The following RECQL variants were observed in gnomAD, a reference collection of about 807,000 sequenced individuals.
RECQL encodes the protein ATP-dependent DNA helicase Q1.
A neutral mutation model predicts 75.8 loss-of-function variants in RECQL; 73 were observed. The ratio of observed to expected loss-of-function variants is 0.96; its 90% CI spans 0.80 to 1.17. The LOEUF (loss-of-function observed/expected upper bound fraction) is 1.17, where lower values mean the gene tolerates loss of function less well. Among genes scored for constraint, RECQL ranks in the 50% most tolerant of loss-of-function variants. The pLI is 0.00. For synonymous variants in RECQL, 248 were observed against 254.4 expected (o/e 0.97, Z 0.24); for missense variants, 699 against 772.1 (o/e 0.91, Z 1.12).
intron 6 of RECQL, among the ~76,000 whole-genome samples, chr12:21,479,311 T>C (rs1943147308): frequency 6.6e-6 from 1 of 151,950 alleles, no homozygotes; most frequent in Non-Finnish European, 1.5e-5. Flanking sequence ...GATTCTAAGC[T>C]GAGACTTTAT....
chr12:21,498,891 T>C (rs544296408), intron 2 of RECQL, among the ~76,000 whole-genome samples: 4 of 152,332 alleles, frequency 2.6e-5, no homozygotes, highest in African/African-American at 9.6e-5. Flanking sequence ...AGAACTGTAA[T>C]AGCTATAAGT....
At chr12:21,474,572 A>G (rs112245771) in intron 11 of RECQL, among the ~76,000 whole-genome samples, 5 of 152,172 alleles carry the variant, frequency 3.3e-5, no homozygotes, top group African/African-American at 1.2e-4. Flanking sequence ...AGTGCCAGAG[A>G]AAAAAAGCCT....
chr12:21,473,175 A>ATG lies in RECQL; in HGVS notation c.1447+375_1447+376insCA, dbSNP rs1476517282. The stretch of plus-strand genomic sequence containing the variant: ...CACATAATATTTTGGTCGGTGATGG[A>ATG]CCACGTATATGCCAGTGGTCCCAAG... On this transcript the variant is annotated intron_variant, in intron 12 of 14. Coordinates refer to ENST00000444129, the MANE Select transcript of RECQL (RefSeq NM_002907.4). 9.2e-5 allele frequency among the ~76,000 whole-genome samples: 14 copies of ATG among 152,236 alleles called. No individual in the cohort carries two copies. The South Asian group carries it at 2.9e-3, about 32-fold the overall frequency.
chr12:21,483,573 T>C lies in RECQL; in HGVS notation c.503A>G (p.Glu168Gly), dbSNP rs1274633307. 6.4e-7 allele frequency: 1 copy of C among 1,565,726 alleles called. No individual in the cohort carries two copies. The highest frequency in any genetic ancestry group is 1.4e-5 in the African/African-American group (1 of 71,456). The change falls in exon 6 of 15, where the codon GAG (glutamate) becomes GGG (glycine). Residue 168 changes from glutamate to glycine, a missense_variant and splice_region_variant. This residue lies in a region of RECQL where 669 missense variants were observed against 713.5 expected (regional missense o/e 0.94). Transcript: ENST00000444129. The stretch of plus-strand genomic sequence containing the variant: ...TTCAGCATGAACCCATTTAACATGC[T>C]CCTATTAAAAGAAAAAAATAGACAC... ...ATMLNASSSK[E>G]HVKWVHAEMV...
chr12:21,478,956 G>C (rs773077998), intron 6 of RECQL, among the ~76,000 whole-genome samples: 1 of 152,164 alleles, frequency 6.6e-6, no homozygotes, highest in Non-Finnish European at 1.5e-5. Flanking sequence ...CCACAGAGGC[G>C]ATAGCTACTC....
Position 21,470,918 on chromosome 12 carries a change from C to G in RECQL, c.1797+51G>C, listed in dbSNP as rs779659188. 4.6e-6 allele frequency: 6 copies of G among 1,297,838 alleles called. No homozygotes were observed. The African/African-American group carries it at 9.4e-5, about 20-fold the overall frequency. 80.4% of individuals were successfully genotyped at this position (1,297,838 alleles called of 1,614,324 possible). On this transcript the variant is annotated intron_variant, in intron 14 of 14. Coordinates refer to ENST00000444129, the MANE Select transcript of RECQL (RefSeq NM_002907.4). Reference sequence around the variant, plus strand: ...ATATGACAGAAAAGCATCCCATAGGCTTTAATATACTTTTTAAAATATATA... The same window carrying G: ...ATATGACAGAAAAGCATCCCATAGGGTTTAATATACTTTTTAAAATATATA...
Position 21,471,659 on chromosome 12 carries a change from C to G in RECQL, c.1448-12G>C. On this transcript the variant is annotated splice_polypyrimidine_tract_variant and intron_variant, in intron 12 of 14. Transcript: ENST00000444129. ...CTTTCTTTCAAATGCTGTAATAAAACAAATATGGTAGCAGGTAATTAGGAT... is the reference window on the plus strand; with the variant it reads ...CTTTCTTTCAAATGCTGTAATAAAAGAAATATGGTAGCAGGTAATTAGGAT... 3 of 1,592,954 alleles carry G rather than the reference C, an allele frequency of 1.9e-6. No individual in the cohort carries two copies. The highest frequency in any genetic ancestry group is 2.6e-6 in the Non-Finnish European group (3 of 1,161,428).
chr12:21,484,557 AG>A (rs1021882214), intron 5 of RECQL, among the ~76,000 whole-genome samples: 2 of 152,176 alleles, frequency 1.3e-5, no homozygotes, highest in African/African-American at 4.8e-5. Context: ...GGTAAACTAA[AG>A]GAACCAGGGC....
chr12:21,471,542 G>T lies in RECQL; in HGVS notation c.1553C>A (p.Ser518Tyr), dbSNP rs1942964650. The T allele has an allele frequency of 6.2e-7, 1 of 1,612,306 alleles. No homozygotes were observed. The highest frequency in any genetic ancestry group is 1.1e-5 in the South Asian group (1 of 90,756). The change falls in exon 13 of 15, where the codon TCT becomes TAT. Residue 518 changes from serine (S) to tyrosine (Y), a missense_variant. Transcript: ENST00000444129. ...EKLTPLKLIDSWMGKGAAKLR... is the reference protein window; with the variant it reads ...EKLTPLKLIDYWMGKGAAKLR... ...TTTTGCTGCACCCTTTCCCATCCAA[G>T]AATCAATCAGTTTCAATGGAGTGAG...
At chr12:21,473,512 T>C (rs1199838384) in intron 12 of RECQL, 39 bp downstream of exon 12, 1 of 1,455,800 alleles carries the variant, frequency 6.9e-7, no homozygotes, top group Middle Eastern at 1.7e-4. Flanking sequence ...GCATTATGAC[T>C]GTATTAGCCT....
At position 21,491,556 on chromosome 12, in the gene RECQL, A is replaced by ATT. The variant is rs1269720592; in HGVS notation, c.175_176dup (p.Asn59LysfsTer45). On this transcript the variant is annotated frameshift_variant, in exon 3 of 15. Transcript: ENST00000444129. LOFTEE classifies it high-confidence loss of function. ...AAGCGGCAGGTGAAGAATCATATTC[A>ATT]TTGCTTGCCCCGGCATCAGAATCCT... 1.2e-6 allele frequency: 2 copies of ATT among 1,611,594 alleles called. No individual in the cohort carries two copies. Among genetic ancestry groups the ATT allele is most frequent in the Admixed American group, 1.7e-5 (1 of 59,702 alleles).
chr12:21,487,249 G>A (rs1043811841), intron 4 of RECQL, among the ~76,000 whole-genome samples: 5 of 152,018 alleles, frequency 3.3e-5, no homozygotes, highest in Admixed American at 3.3e-4. Context: ...ACACTAAACA[G>A]TTTCATCAGG....
chr12:21,496,919 G>A (rs1005833758), intron 2 of RECQL, among the ~76,000 whole-genome samples: 1 of 152,176 alleles, frequency 6.6e-6, no homozygotes, highest in Non-Finnish European at 1.5e-5. Flanking sequence ...CAACAGATTT[G>A]ATGGTGCTGT....
Position 21,475,570 on chromosome 12 carries a change from C to G in RECQL, c.1114G>C (p.Val372Leu), listed in dbSNP as rs2230003. The change falls in exon 10 of 15, where the codon GTT becomes CTT. Residue 372 changes from valine to leucine, a missense_variant. Around this residue, in one of 2 missense-constraint regions of RECQL, gnomAD observed 669 missense variants for 713.5 expected, o/e 0.94. Coordinates refer to ENST00000444129, the MANE Select transcript of RECQL (RefSeq NM_002907.4). ...TTATCAATTCCCATACCAAATGCAA[C>G]AGTTGCCACTACTACCTGAAATATT... ...ANEIQVVVAT[V>L]AFGMGIDKPD... 1.2e-6 allele frequency: 2 copies of G among 1,611,992 alleles called. No individual in the cohort carries two copies. Among genetic ancestry groups the G allele is most frequent in the Non-Finnish European group, 1.7e-6 (2 of 1,178,910 alleles).
At chr12:21,496,111 T>C (rs1024529780) in intron 2 of RECQL, among the ~76,000 whole-genome samples, 8 of 152,362 alleles carry the variant, frequency 5.3e-5, no homozygotes, top group Admixed American at 1.3e-4. Context: ...CAGAGATTAC[T>C]GCCTACATCA....
chr12:21,472,787 T>C (rs1383788984), intron 12 of RECQL, among the ~76,000 whole-genome samples: 1 of 152,116 alleles, frequency 6.6e-6, no homozygotes, highest in Non-Finnish European at 1.5e-5. Context: ...AAATCTCCGA[T>C]GACTAGCCAT....
In RECQL at chr12:21,470,299, C is replaced by CATCT; in HGVS notation, c.1841_1844dup (p.Met615IlefsTer24). On this transcript the variant is annotated frameshift_variant, in exon 15 of 15. Coordinates refer to ENST00000444129, the MANE Select transcript of RECQL (RefSeq NM_002907.4). LOFTEE classifies it low-confidence loss of function (END_TRUNC). The stretch of plus-strand genomic sequence containing the variant: ...GGAAGTTGCCTGAATTTTTTTCCTC[C>CATCT]ATCTTTTTATCACCTTGTTCAGAAT... 2.5e-6 allele frequency: 4 copies of CATCT among 1,599,374 alleles called. No homozygotes were observed. Among genetic ancestry groups the CATCT allele is most frequent in the Non-Finnish European group, 3.4e-6 (4 of 1,174,074 alleles).
At position 21,470,971 on chromosome 12, in the gene RECQL, T is replaced by G; in HGVS notation, c.1795A>C (p.Arg599=). 5 of 1,532,180 alleles carry G rather than the reference T, an allele frequency of 3.3e-6. No homozygotes were observed. Among genetic ancestry groups the G allele is most frequent in the Non-Finnish European group, 4.4e-6 (5 of 1,147,156 alleles). 94.9% of individuals were successfully genotyped at this position (1,532,180 alleles called of 1,614,324 possible). Residue 599 remains arginine, a splice_region_variant and synonymous_variant, in exon 14 of 15, where the codon AGG becomes CGG. Transcript: ENST00000444129. ...QVTKSTQNSF[R]AESSQTCHSE... ...ACTGAAAATTAATAGCCATTTACCC[T>G]GAAAGAGTTCTGCGTGGACTTTGTC...
chr12:21,489,918 A>C (rs1426064829), intron 4 of RECQL, among the ~76,000 whole-genome samples: 1 of 152,194 alleles, frequency 6.6e-6, no homozygotes, highest in Non-Finnish European at 1.5e-5. Flanking sequence ...AGCAGGTACT[A>C]TGTTTACTAC....
Sources: allele counts gnomAD v4.1 joint callset (sites outside exome capture counted in the v4.1 genomes callset), GRCh38; gene constraint gnomAD v4.1.1; regional missense constraint gnomAD v4.1.1; transcripts MANE v1.5; gene names NCBI Gene and HGNC (gene_info 2026-07-23, HGNC 2026-07-21).